The following CAMK2A variants were observed in gnomAD, a reference collection of about 807,000 sequenced individuals.
CAMK2A encodes calcium/calmodulin dependent protein kinase II alpha, also known as calcium/calmodulin-dependent protein kinase type II subunit alpha.
CAMK2A carries 7 observed loss-of-function variants against 79.2 expected under a neutral mutation model. That is an observed-to-expected ratio of 0.09 (90% CI 0.05 to 0.17). The LOEUF is 0.17. Among genes scored for constraint, CAMK2A ranks in the 10% least tolerant of loss-of-function variants. The pLI is 1.00. For missense variants in CAMK2A, 214 were observed against 646.4 expected (o/e 0.33, Z 7.25); for synonymous variants, 242 against 251.7 (o/e 0.96, Z 0.36).
chr5:150,257,729 T>A, intron 3 of CAMK2A, 112 bp from the exon 4 acceptor site: 1 of 824,994 alleles, frequency 1.2e-6, no homozygotes, highest in South Asian at 1.5e-5. Context: ...AGACAGTCAC[T>A]GAGTATACAC....
At position 150,256,949 on chromosome 5, in the gene CAMK2A, G is replaced by A; in HGVS notation, c.273-118C>T. ...GGACCTCAGGACCTCAGCCACAAAA[G>A]GAGGGGCCCCAGGGTCACGGGGGTG... is the stretch of plus-strand genomic sequence containing the variant. On this transcript the variant is annotated intron_variant, in intron 4 of 18. Coordinates refer to ENST00000671881, the MANE Select transcript of CAMK2A (RefSeq NM_015981.4). The surrounding 1 kb of genome is among the most constrained non-coding windows in gnomAD (Gnocchi z 4.6). 1 of 831,972 alleles carries A rather than the reference G, an allele frequency of 1.2e-6. No individual in the cohort carries two copies. Among genetic ancestry groups the A allele is most frequent in the Non-Finnish European group, 1.9e-6 (1 of 535,450 alleles). The allele number at this position is 831,972 out of a possible 1,614,324, so 51.5% of individuals were successfully genotyped here.
intron 15 of CAMK2A, among the ~76,000 whole-genome samples, chr5:150,235,421 C>T (rs1471380469): frequency 2.0e-5 from 3 of 152,206 alleles, no homozygotes; most frequent in Admixed American, 6.5e-5. Context: ...CCAGACAATC[C>T]GGGAATGCTC....
chr5:150,223,915 A>AGTATATCTACTTCTACT lies in CAMK2A; in HGVS notation c.1238-715_1238-699dup, dbSNP rs1210684265. 2.0e-5 allele frequency among the ~76,000 whole-genome samples: 3 copies of AGTATATCTACTTCTACT among 152,266 alleles called. No individual in the cohort carries two copies. The highest frequency in any genetic ancestry group is 6.5e-5 in the Admixed American group (1 of 15,292). ...AGACACGGCCCGTGGGCCTGTCTGA[A>AGTATATCTACTTCTACT]GTATATCTACTTCTACTGTATATCT... is the stretch of plus-strand genomic sequence containing the variant. On this transcript the variant is annotated intron_variant, in intron 17 of 18. Transcript: ENST00000671881. This position sits in a 1 kb window ranked among gnomAD's most constrained non-coding sequence, Gnocchi z 4.1.
At chr5:150,250,045 G>T (rs1417531730) in intron 11 of CAMK2A, among the ~76,000 whole-genome samples, 181 bp downstream of exon 11, 1 of 152,158 alleles carries the variant, frequency 6.6e-6, no homozygotes, top group Non-Finnish European at 1.5e-5. Flanking sequence ...CTAGAGCAAG[G>T]GCTCAGTCAT....
At chr5:150,238,801 C>T in intron 14 of CAMK2A, 53 bp from the exon 15 acceptor site, 1 of 1,490,170 alleles carries the variant, frequency 6.7e-7, no homozygotes, top group Non-Finnish European at 9.1e-7. Flanking sequence ...CGGGACGAGG[C>T]ATGGCCAGGC....
intron 15 of CAMK2A, among the ~76,000 whole-genome samples, chr5:150,234,294 C>T (rs761228077): frequency 6.6e-6 from 1 of 152,186 alleles, no homozygotes; most frequent in Admixed American, 6.5e-5. Flanking sequence ...TCTGCTTCTC[C>T]CTGCCATCTC....
Position 150,223,317 on chromosome 5 carries a change from G to A in CAMK2A, c.1238-100C>T, listed in dbSNP as rs184670905. The A allele has an allele frequency of 2.0e-4, 190 of 948,378 alleles. No individual in the cohort carries two copies. In the African/African-American group the frequency reaches 2.8e-3, roughly 14 times the overall value. The allele number at this position is 948,378 out of a possible 1,614,324, so 58.7% of individuals were successfully genotyped here. Reference sequence around the variant, plus strand: ...TCCCAGCAGCCCTCTCAATGGAGGCGCCCTGCCTGACTCATTTGCAGGGAA... The same window carrying A: ...TCCCAGCAGCCCTCTCAATGGAGGCACCCTGCCTGACTCATTTGCAGGGAA... On this transcript the variant is annotated intron_variant, in intron 17 of 18. Coordinates refer to ENST00000671881, the MANE Select transcript of CAMK2A (RefSeq NM_015981.4). This position sits in a 1 kb window ranked among gnomAD's most constrained non-coding sequence, Gnocchi z 4.1.
chr5:150,245,274 G>T, intron 12 of CAMK2A, 73 bp from the exon 13 acceptor site: 1 of 1,435,282 alleles, frequency 7.0e-7, no homozygotes, highest in Non-Finnish European at 9.8e-7. Context: ...AGGACGAGCA[G>T]CATCCACACG....
intron 3 of CAMK2A, among the ~76,000 whole-genome samples, chr5:150,262,247 C>T (rs1756332355): frequency 6.6e-6 from 1 of 152,184 alleles, no homozygotes; most frequent in Non-Finnish European, 1.5e-5. Context: ...AAGCAGCGAC[C>T]AGTAGTAACC....
intron 11 of CAMK2A, among the ~76,000 whole-genome samples, chr5:150,249,349 CTG>C (rs1755723739): frequency 6.6e-6 from 1 of 152,228 alleles, no homozygotes; most frequent in Non-Finnish European, 1.5e-5. Flanking sequence ...CAATCACTGT[CTG>C]AGTGCCTCAG....
At chr5:150,250,124 A>G (rs1047969194) in intron 11 of CAMK2A, 102 bp downstream of exon 11, 7 of 865,270 alleles carry the variant, frequency 8.1e-6, no homozygotes, top group Non-Finnish European at 1.3e-5. Context: ...TGCTTATTGA[A>G]TCAATGAAGG....
At chr5:150,281,090 G>A (rs1346639731) in intron 1 of CAMK2A, among the ~76,000 whole-genome samples, 1 of 152,132 alleles carries the variant, frequency 6.6e-6, no homozygotes, top group Non-Finnish European at 1.5e-5. Context: ...GCCCCCTCCT[G>A]TCTTAGGAAC....
rs1369064186 is a variant in CAMK2A at position 150,223,795 on chromosome 5, C to A, written c.1238-578G>T. ...TCGTTTTTCAAGAGAATCTGGAAATCTGAATTTTTATATGAAAACTCTTCA... is the reference window on the plus strand; with the variant it reads ...TCGTTTTTCAAGAGAATCTGGAAATATGAATTTTTATATGAAAACTCTTCA... On this transcript the variant is annotated intron_variant, in intron 17 of 18. Transcript: ENST00000671881. This position sits in a 1 kb window ranked among gnomAD's most constrained non-coding sequence, Gnocchi z 4.1. Among the ~76,000 whole-genome samples, 1 of 152,210 alleles carries A rather than the reference C, an allele frequency of 6.6e-6. No homozygotes were observed. The highest frequency in any genetic ancestry group is 2.4e-5 in the African/African-American group (1 of 41,452).
At chr5:150,253,575 G>A in intron 6 of CAMK2A, 29 bp from the exon 7 acceptor site, 2 of 1,568,336 alleles carry the variant, frequency 1.3e-6, no homozygotes, top group Non-Finnish European at 1.8e-6. Flanking sequence ...GAGGGAGGAA[G>A]GGGAGGAAAG....
At chr5:150,234,554 T>C (rs559633144) in intron 15 of CAMK2A, among the ~76,000 whole-genome samples, 6 of 152,348 alleles carry the variant, frequency 3.9e-5, no homozygotes, top group African/African-American at 1.4e-4. Context: ...CCAGTTGCTG[T>C]TCCGAGTCCT....
At chr5:150,248,693 C>G (rs1580920107) in intron 11 of CAMK2A, among the ~76,000 whole-genome samples, 1 of 152,134 alleles carries the variant, frequency 6.6e-6, no homozygotes, top group South Asian at 2.1e-4. Flanking sequence ...GCATAGTATT[C>G]CACGGTGTAT....
intron 16 of CAMK2A, among the ~76,000 whole-genome samples, chr5:150,228,717 C>T (rs1317481223): frequency 6.6e-6 from 1 of 152,146 alleles, no homozygotes; most frequent in African/African-American, 2.4e-5. Context: ...GGATGGGGGA[C>T]ACTGCCTTTT....
chr5:150,264,599 G>A (rs375924155), intron 3 of CAMK2A, among the ~76,000 whole-genome samples: 1 of 152,210 alleles, frequency 6.6e-6, no homozygotes, highest in Non-Finnish European at 1.5e-5. Context: ...CACGGTGCCA[G>A]GCTGAATCGG....
At chr5:150,277,139 C>T (rs976229858) in intron 1 of CAMK2A, among the ~76,000 whole-genome samples, 2 of 152,110 alleles carry the variant, frequency 1.3e-5, no homozygotes, top group African/African-American at 4.8e-5. Context: ...ACTTAAGTGC[C>T]AGAGTGGGAG....
Sources: allele counts gnomAD v4.1 joint callset (sites outside exome capture counted in the v4.1 genomes callset), GRCh38; gene constraint gnomAD v4.1.1; non-coding constraint Gnocchi (gnomAD v3.1); transcripts MANE v1.5; gene names NCBI Gene and HGNC (gene_info 2026-07-23, HGNC 2026-07-21).